BUD13: variants seen among roughly 807,000 people sequenced by gnomAD.
BUD13 encodes the protein BUD13 spliceosome associated protein, also known as BUD13 homolog.
In BUD13, 47 loss-of-function variants were observed where a neutral mutation model predicts 62.5. The observed-to-expected ratio is 0.75, with a 90% CI of 0.60 to 0.96. The LOEUF (loss-of-function observed/expected upper bound fraction) is 0.96, where lower values mean the gene tolerates loss of function less well. Among genes scored for constraint, BUD13 ranks in the 40% least tolerant of loss-of-function variants. BUD13 has a pLI of 0.00. For missense variants in BUD13, 821 were observed against 790.9 expected (o/e 1.04, Z -0.46); for synonymous variants, 293 against 280.1 (o/e 1.05, Z -0.46).
chr11:116,766,966 T>C (rs1048790803), intron 2 of BUD13, among the ~76,000 whole-genome samples: 2 of 151,790 alleles, frequency 1.3e-5, no homozygotes, highest in Non-Finnish European at 2.9e-5. Flanking sequence ...GGCGGGTGGA[T>C]TGCTTGAGCC....
At chr11:116,766,137 A>G (rs1940526738) in intron 2 of BUD13, among the ~76,000 whole-genome samples, 1 of 152,232 alleles carries the variant, frequency 6.6e-6, no homozygotes, top group Non-Finnish European at 1.5e-5. Context: ...CTGCCTTCCT[A>G]TAACTTCTTT....
intron 9 of BUD13, among the ~76,000 whole-genome samples, chr11:116,754,050 T>C (rs1472192477): frequency 6.6e-6 from 1 of 152,224 alleles, no homozygotes; most frequent in Non-Finnish European, 1.5e-5. Context: ...ATTTCATTTT[T>C]ATTATTGTTT....
intron 9 of BUD13, among the ~76,000 whole-genome samples, chr11:116,751,350 C>T (rs988853904): frequency 6.6e-6 from 1 of 152,082 alleles, no homozygotes; most frequent in African/African-American, 2.4e-5. Context: ...GAAGCTTGGC[C>T]GGACATGGTG....
In BUD13 at chr11:116,760,776, C is replaced by T; in HGVS notation, c.1213G>A (p.Asp405Asn). ...RRQRTKSSDS[D>N]LSPPRRSQPP... The stretch of plus-strand genomic sequence containing the variant: ...TGACTCCTTCGAGGCGGGGACAGGT[C>T]AGAATCAGAAGATTTGGTCCTCTGT... The change falls in exon 5 of 10, where the codon GAC becomes AAC. Residue 405 changes from aspartate to asparagine, a missense_variant. Physicochemically the swap from Asp to Asn is conservative, Grantham distance 23. This residue lies in a region of BUD13 where 800 missense variants were observed against 739.2 expected (regional missense o/e 1.08). Transcript: ENST00000260210. 6.2e-7 allele frequency: 1 copy of T among 1,614,154 alleles called. No individual in the cohort carries two copies. The highest frequency in any genetic ancestry group is 8.5e-7 in the Non-Finnish European group (1 of 1,180,024).
intron 9 of BUD13, among the ~76,000 whole-genome samples, chr11:116,754,901 T>C (rs990931279): frequency 1.3e-5 from 2 of 152,192 alleles, no homozygotes; most frequent in African/African-American, 2.4e-5. Context: ...CAACTGACAA[T>C]ACAGTGTAAC....
chr11:116,762,838 T>G lies in BUD13; in HGVS notation c.751A>C (p.Thr251Pro). The change falls in exon 4 of 10, where the codon ACA (threonine) becomes CCA (proline). Residue 251 changes from threonine to proline, a missense_variant. Coordinates refer to ENST00000260210, the MANE Select transcript of BUD13 (RefSeq NM_032725.4). ...PRRVHNNSPD[T>P]SRRTLGSSDT... The stretch of plus-strand genomic sequence containing the variant: ...GAAGAGCCAAGAGTCCTCCTAGATG[T>G]GTCAGGGGAGTTGTTATGGACCCTT... 1 of 1,612,616 alleles carries G rather than the reference T, an allele frequency of 6.2e-7. No homozygotes were observed. The highest frequency in any genetic ancestry group is 8.5e-7 in the Non-Finnish European group (1 of 1,179,612).
chr11:116,757,674 G>C, intron 8 of BUD13, 92 bp downstream of exon 8: 1 of 1,324,364 alleles, frequency 7.6e-7, no homozygotes, highest in Non-Finnish European at 1.0e-6. Context: ...AAATTATTTG[G>C]GAAATCCTTC....
At position 116,760,767 on chromosome 11, in the gene BUD13, G is replaced by A; in HGVS notation, c.1222C>T (p.Pro408Ser). The change falls in exon 5 of 10, where the codon CCG becomes TCG. Residue 408 changes from proline (P) to serine (S), a missense_variant. Pro to Ser is a moderately conservative substitution (Grantham distance 74, BLOSUM62 -1). Around this residue, in one of 2 missense-constraint regions of BUD13, gnomAD observed 800 missense variants for 739.2 expected, o/e 1.08. Transcript: ENST00000260210. ...RTKSSDSDLSPPRRSQPPGKK... is the reference protein window; with the variant it reads ...RTKSSDSDLSSPRRSQPPGKK... Reference sequence around the variant, plus strand: ...CCAGGAGGCTGACTCCTTCGAGGCGGGGACAGGTCAGAATCAGAAGATTTG... The same window carrying A: ...CCAGGAGGCTGACTCCTTCGAGGCGAGGACAGGTCAGAATCAGAAGATTTG... 1 of 1,614,152 alleles carries A rather than the reference G, an allele frequency of 6.2e-7. No homozygotes were observed. The highest frequency in any genetic ancestry group is 8.5e-7 in the Non-Finnish European group (1 of 1,180,022).
At position 116,768,865 on chromosome 11, in the gene BUD13, A is replaced by G. The variant is rs138723626; in HGVS notation, c.237+1264T>C. ...AAAAATACAAAAAAAAACACAAAAA[A>G]TTAGCCGGGCGTGTTGGTGGGCCCC... On this transcript the variant is annotated intron_variant, in intron 2 of 9. Transcript: ENST00000260210. 3.6e-4 allele frequency among the ~76,000 whole-genome samples: 55 copies of G among 151,912 alleles called. 1 individual carries two copies. The highest frequency in any genetic ancestry group is 1.3e-3 in the African/African-American group (52 of 41,414).
In BUD13 at chr11:116,772,860, G is replaced by T; in HGVS notation, c.105C>A (p.Arg35=). 1 of 1,589,448 alleles carries T rather than the reference G, an allele frequency of 6.3e-7. No individual in the cohort carries two copies. Residue 35 remains arginine, a synonymous_variant, in exon 1 of 10, where the codon CGC becomes CGA. Transcript: ENST00000260210. The part of the protein sequence containing the change: ...DRGSESGRKR[R]KKRPKPGGAG... ...CCCCGCCAGGCTTCGGCCGCTTTTT[G>T]CGACGCTTGCGACCGGACTCAGATC...
At chr11:116,757,635 G>T (rs540215239) in intron 8 of BUD13, 131 bp downstream of exon 8, 29 of 1,187,986 alleles carry the variant, frequency 2.4e-5, no homozygotes, top group Non-Finnish European at 3.4e-5. Flanking sequence ...CAATTGAGTT[G>T]AATCTAAACT....
chr11:116,759,202 T>G, intron 5 of BUD13, 23 bp from the exon 6 acceptor site: 1 of 1,560,194 alleles, frequency 6.4e-7, no homozygotes. Flanking sequence ...AAAGGGAGCA[T>G]CCAACATTAA....
At chr11:116,759,032 C>G (rs77429555) in intron 6 of BUD13, 42 bp downstream of exon 6, 1 of 1,113,950 alleles carries the variant, frequency 9.0e-7, no homozygotes, top group Non-Finnish European at 1.3e-6. Context: ...AAAAAAAAAA[C>G]AGTATGAGCC....
chr11:116,757,297 G>A, intron 8 of BUD13, 70 bp from the exon 9 acceptor site: 1 of 1,428,318 alleles, frequency 7.0e-7, no homozygotes, highest in Non-Finnish European at 9.7e-7. Context: ...ATGGCAATGT[G>A]GAATTTTCCT....
At chr11:116,770,267 A>G (rs1341722436) in intron 1 of BUD13, 45 bp from the exon 2 acceptor site, 1 of 1,519,512 alleles carries the variant, frequency 6.6e-7, no homozygotes, top group Non-Finnish European at 9.0e-7. Context: ...CTAGGATACC[A>G]GCATAAAAAC....
chr11:116,751,342 A>G (rs1355736695), intron 9 of BUD13, among the ~76,000 whole-genome samples: 3 of 152,234 alleles, frequency 2.0e-5, no homozygotes, highest in Non-Finnish European at 4.4e-5. Flanking sequence ...TAAGAAGGGA[A>G]GCTTGGCCGG....
At chr11:116,757,637 A>G in intron 8 of BUD13, 129 bp downstream of exon 8, 1 of 1,215,318 alleles carries the variant, frequency 8.2e-7, no homozygotes, top group Non-Finnish European at 1.1e-6. Flanking sequence ...ATTGAGTTGA[A>G]TCTAAACTCA....
intron 1 of BUD13, among the ~76,000 whole-genome samples, chr11:116,770,917 C>T (rs1802019009): frequency 6.6e-6 from 1 of 152,120 alleles, no homozygotes; most frequent in African/African-American, 2.4e-5. Context: ...ACTCAGTCTC[C>T]CAAGTAGCTG....
intron 2 of BUD13, among the ~76,000 whole-genome samples, chr11:116,766,873 T>C (rs1173709616): frequency 2.0e-5 from 3 of 152,184 alleles, no homozygotes; most frequent in Admixed American, 2.0e-4. Flanking sequence ...TTTTGGGCCA[T>C]CATAAAAGCA....
Sources: gnomAD v4.1 joint callset for allele counts (sites outside exome capture counted in the v4.1 genomes callset) on GRCh38, gnomAD v4.1.1 for gene constraint, gnomAD v4.1.1 regional missense constraint, MANE v1.5 for transcripts, NCBI Gene and HGNC (gene_info 2026-07-23, HGNC 2026-07-21) for gene names.